The following RAP1GDS1 variants were observed in gnomAD, a reference collection of about 807,000 sequenced individuals.
RAP1GDS1 encodes the protein Rap1 GTPase-GDP dissociation stimulator 1.
A neutral mutation model predicts 71.1 loss-of-function variants in RAP1GDS1; 35 were observed. The observed-to-expected ratio is 0.49, with a 90% CI of 0.38 to 0.65. The LOEUF (loss-of-function observed/expected upper bound fraction) is 0.65. Ranked by LOEUF, RAP1GDS1 falls within the 30% of genes least tolerant of loss-of-function variation. The probability of loss-of-function intolerance (pLI) is 0.00; values close to 1 mark genes in which losing one functional copy is unlikely to be tolerated. For synonymous variants in RAP1GDS1, 229 were observed against 243.1 expected (o/e 0.94, Z 0.54); for missense variants, 663 against 706.1 (o/e 0.94, Z 0.69).
intron 2 of RAP1GDS1, among the ~76,000 whole-genome samples, chr4:98,314,209 C>G (rs1730642752): frequency 6.6e-6 from 1 of 152,090 alleles, no homozygotes; most frequent in African/African-American, 2.4e-5. Context: ...TTTCTGAAAG[C>G]TTAAAGAACA....
intron 7 of RAP1GDS1, among the ~76,000 whole-genome samples, chr4:98,406,621 G>A (rs981550047): frequency 2.0e-5 from 3 of 151,892 alleles, no homozygotes; most frequent in African/African-American, 7.3e-5. Context: ...TAAGATAGAA[G>A]AATAAGGTTA....
Position 98,352,498 on chromosome 4 carries a change from G to A in RAP1GDS1, c.258G>A (p.Val86=). Residue 86 remains valine, a synonymous_variant, in exon 4 of 15, where the codon GTG becomes GTA. Coordinates refer to ENST00000408927, the MANE Select transcript of RAP1GDS1 (RefSeq NM_001100427.2). ...AKNEFMRIPC[V]DAGLISPLVQ... is the part of the protein sequence containing the mutation. ...CAGAGTTTATGCGAATTCCATGTGT[G>A]GATGCTGGATTGATTTCACCACTGG... 1.2e-6 allele frequency: 2 copies of A among 1,613,718 alleles called. No individual in the cohort carries two copies. Among genetic ancestry groups the A allele is most frequent in the Non-Finnish European group, 1.7e-6 (2 of 1,179,778 alleles).
At chr4:98,414,558 C>G (rs1747619405) in intron 7 of RAP1GDS1, among the ~76,000 whole-genome samples, 1 of 150,864 alleles carries the variant, frequency 6.6e-6, no homozygotes, top group South Asian at 2.1e-4. Context: ...GGGCTCTGTT[C>G]TGTTCCAATG....
At chr4:98,341,719 A>AT (rs991781293) in intron 2 of RAP1GDS1, among the ~76,000 whole-genome samples, 1 of 148,006 alleles carries the variant, frequency 6.8e-6, no homozygotes, top group African/African-American at 2.6e-5. Context: ...TTGCTTAAAA[A>AT]AAAAAAAATC....
At chr4:98,418,053 TAC>T (rs1459460673) in intron 9 of RAP1GDS1, among the ~76,000 whole-genome samples, 6 of 152,280 alleles carry the variant, frequency 3.9e-5, no homozygotes, top group Non-Finnish European at 5.9e-5. Context: ...GTCTAGGAAA[TAC>T]AGTTTATTTT....
chr4:98,418,025 C>G (rs1748258995), intron 9 of RAP1GDS1, among the ~76,000 whole-genome samples: 3 of 152,086 alleles, frequency 2.0e-5, no homozygotes, highest in South Asian at 4.1e-4. Flanking sequence ...TTCTTACGTT[C>G]CTCATGAAAT....
chr4:98,322,874 A>G lies in RAP1GDS1; in HGVS notation c.113-20265A>G, dbSNP rs1366561270. ...CAATTAAAAGAACTAGAAAAGCAAG[A>G]GCAAACACATTCAAAAGCTAGCAGA... On this transcript the variant is annotated intron_variant, in intron 2 of 14. Coordinates refer to ENST00000408927, the MANE Select transcript of RAP1GDS1 (RefSeq NM_001100427.2). Among the ~76,000 whole-genome samples the G allele has an allele frequency of 3.1e-5, 4 of 127,462 alleles. No homozygotes were observed. The East Asian group carries it at 8.4e-4, about 27-fold the overall frequency. 83.6% of individuals were successfully genotyped at this position (127,462 alleles called of 152,430 possible). A position where few individuals can be genotyped will look rare whatever the true frequency, so the allele number is the denominator to read the frequency against.
intron 7 of RAP1GDS1, among the ~76,000 whole-genome samples, chr4:98,405,083 A>G (rs1745936059): frequency 6.6e-6 from 1 of 152,196 alleles, no homozygotes; most frequent in Non-Finnish European, 1.5e-5. Flanking sequence ...CACGTACTCA[A>G]AGAGGATCAG....
chr4:98,314,648 A>G (rs1338436917), intron 2 of RAP1GDS1, among the ~76,000 whole-genome samples: 2 of 152,160 alleles, frequency 1.3e-5, no homozygotes, highest in African/African-American at 2.4e-5. Flanking sequence ...TTAATTGTGT[A>G]CCACTATGCA....
In RAP1GDS1 at chr4:98,416,302, A is replaced by C. The variant is rs188434212; in HGVS notation, c.764-443A>C. Among the ~76,000 whole-genome samples the C allele has an allele frequency of 6.5e-3, 987 of 151,274 alleles. 17 individuals are homozygous for C. Among genetic ancestry groups the C allele is most frequent in the African/African-American group, 0.023 (950 of 41,168 alleles). ...GTTTACTTTGAAGATTTGAGTTTCA[A>C]AAATGTATTATCTAAATCATGCATT... On this transcript the variant is annotated intron_variant, in intron 7 of 14. Coordinates refer to ENST00000408927, the MANE Select transcript of RAP1GDS1 (RefSeq NM_001100427.2).
At chr4:98,288,801 T>G (rs1183358645) in intron 1 of RAP1GDS1, among the ~76,000 whole-genome samples, 1 of 152,208 alleles carries the variant, frequency 6.6e-6, no homozygotes, top group Admixed American at 6.5e-5. Flanking sequence ...GAGCATTTTT[T>G]CATGTGTCTG....
chr4:98,382,807 G>A (rs931751954), intron 5 of RAP1GDS1, among the ~76,000 whole-genome samples: 2 of 151,632 alleles, frequency 1.3e-5, no homozygotes, highest in African/African-American at 2.4e-5. Context: ...TTATTGGAAT[G>A]CATTTGCTTC....
At chr4:98,390,502 T>C (rs1743448024) in intron 5 of RAP1GDS1, among the ~76,000 whole-genome samples, 1 of 152,130 alleles carries the variant, frequency 6.6e-6, no homozygotes, top group Admixed American at 6.6e-5. Flanking sequence ...TAGGCCCCTT[T>C]CTATTATAGA....
chr4:98,345,522 C>G (rs1039942231), intron 3 of RAP1GDS1, among the ~76,000 whole-genome samples: 1 of 151,826 alleles, frequency 6.6e-6, no homozygotes, highest in African/African-American at 2.4e-5. Flanking sequence ...GTATTATTCC[C>G]TTATATAATA....
At chr4:98,284,258 G>T (rs1725650200) in intron 1 of RAP1GDS1, among the ~76,000 whole-genome samples, 1 of 152,014 alleles carries the variant, frequency 6.6e-6, no homozygotes, top group Non-Finnish European at 1.5e-5. Flanking sequence ...GATTCAGGGG[G>T]CACGTAATGC....
At chr4:98,407,280 TG>T (rs759952448) in intron 7 of RAP1GDS1, among the ~76,000 whole-genome samples, 73 of 152,278 alleles carry the variant, frequency 4.8e-4, no homozygotes, top group Non-Finnish European at 7.6e-4. Flanking sequence ...CTATTAATTT[TG>T]TTAATCTGCA....
chr4:98,274,785 A>G (rs1001337931), intron 1 of RAP1GDS1, among the ~76,000 whole-genome samples: 6 of 152,180 alleles, frequency 3.9e-5, no homozygotes, highest in Admixed American at 3.9e-4. Context: ...CAGCTCATCA[A>G]GAGCCAAAGA....
At chr4:98,372,545 C>A (rs1013529531) in intron 4 of RAP1GDS1, among the ~76,000 whole-genome samples, 3 of 152,206 alleles carry the variant, frequency 2.0e-5, no homozygotes, top group African/African-American at 7.2e-5. Context: ...TAGCTTATCA[C>A]AGTTTATCTT....
At chr4:98,365,461 A>G (rs1739349585) in intron 4 of RAP1GDS1, among the ~76,000 whole-genome samples, 1 of 151,726 alleles carries the variant, frequency 6.6e-6, no homozygotes, top group Non-Finnish European at 1.5e-5. Context: ...CTCTCTACAA[A>G]AAAGTGCAAT....
Sources: allele counts gnomAD v4.1 joint callset (sites outside exome capture counted in the v4.1 genomes callset), GRCh38; gene constraint gnomAD v4.1.1; transcripts MANE v1.5; gene names NCBI Gene and HGNC (gene_info 2026-07-23, HGNC 2026-07-21).